The following LRP1B variants were observed in gnomAD, a reference collection of about 807,000 sequenced individuals.
LRP1B encodes LDL receptor related protein 1B, also known as low-density lipoprotein receptor-related protein 1B.
In LRP1B, 217 loss-of-function variants were observed where a neutral mutation model predicts 556.6. The observed-to-expected ratio is 0.39, with a 90% CI of 0.35 to 0.44. LRP1B has a LOEUF of 0.44. Ranked by LOEUF, LRP1B falls within the 20% of genes least tolerant of loss-of-function variation. The probability of loss-of-function intolerance (pLI) is 1.00; values close to 1 mark genes in which losing one functional copy is unlikely to be tolerated. For missense variants in LRP1B, 5,053 were observed against 5,620.8 expected (o/e 0.90, Z 3.23); for synonymous variants, 2,047 against 1,865.8 (o/e 1.10, Z -2.50).
intron 25 of LRP1B, among the ~76,000 whole-genome samples, chr2:140,876,589 G>A (rs1693312440): frequency 6.6e-6 from 1 of 152,098 alleles, no homozygotes; most frequent in South Asian, 2.1e-4. Flanking sequence ...CCTGTACAGG[G>A]TTCCTGACCT....
At chr2:140,604,109 A>G (rs1682777136) in intron 41 of LRP1B, among the ~76,000 whole-genome samples, 1 of 152,066 alleles carries the variant, frequency 6.6e-6, no homozygotes, top group African/African-American at 2.4e-5. Flanking sequence ...GACTTGAAAT[A>G]TTGAGCAGAG....
intron 77 of LRP1B, among the ~76,000 whole-genome samples, chr2:140,345,879 A>ATATATATATATATATATATATAT (rs1426120597): frequency 1.5e-5 from 2 of 137,430 alleles, no homozygotes; most frequent in Non-Finnish European, 3.2e-5. Flanking sequence ...TATATATATA[A>ATATATATATATATATATATATAT]AAAAAATAGC....
chr2:140,762,601 A>G (rs530191342), intron 35 of LRP1B, among the ~76,000 whole-genome samples: 44 of 151,970 alleles, frequency 2.9e-4, no homozygotes, highest in African/African-American at 1.0e-3. Flanking sequence ...TAAGGAATTC[A>G]TAGAACCAAT....
rs1401553844 is a variant in LRP1B, at chr2:141,013,637, T to C, written c.2299A>G (p.Ile767Val). Residue 767 changes from isoleucine (I) to valine (V), a missense_variant, in exon 14 of 91, where the codon ATA (isoleucine) becomes GTA (valine). By Grantham distance (29) the Ile-to-Val change is conservative (BLOSUM62 3). Transcript: ENST00000389484. ...CTCAGCAATGTCACCTCACTTGTTA[T>C]CAAATCTAGTTGAAAAATGGAACCA... ...MNGSIFQLDLITSEVTLLRHE... is the reference protein window; with the variant it reads ...MNGSIFQLDLVTSEVTLLRHE... 2 of 1,612,468 alleles carry C rather than the reference T, an allele frequency of 1.2e-6. No individual in the cohort carries two copies. The highest frequency in any genetic ancestry group is 1.3e-5 in the African/African-American group (1 of 74,836).
intron 83 of LRP1B, among the ~76,000 whole-genome samples, chr2:140,306,865 C>T (rs988182399): frequency 6.6e-6 from 1 of 152,020 alleles, no homozygotes; most frequent in Non-Finnish European, 1.5e-5. Context: ...TGTCTTTGTT[C>T]TCATTGGTTC....
chr2:140,672,181 A>T (rs912060307), intron 41 of LRP1B, among the ~76,000 whole-genome samples: 1 of 152,102 alleles, frequency 6.6e-6, no homozygotes, highest in Admixed American at 6.5e-5. Context: ...AAATGGAGAA[A>T]ATGGAAGGAT....
intron 85 of LRP1B, among the ~76,000 whole-genome samples, chr2:140,272,575 A>AT (rs1420170145): frequency 2.0e-5 from 3 of 152,004 alleles, no homozygotes; most frequent in African/African-American, 7.2e-5. Flanking sequence ...AATAACAAAT[A>AT]TACTTGATGG....
At chr2:141,270,492 G>A (rs1222490407) in intron 3 of LRP1B, among the ~76,000 whole-genome samples, 2 of 152,048 alleles carry the variant, frequency 1.3e-5, no homozygotes, top group South Asian at 2.1e-4. Context: ...CATGCCCATA[G>A]CAGTGTTATT....
Position 141,062,260 on chromosome 2 carries a change from T to C in LRP1B, c.1027A>G (p.Thr343Ala). 1 of 1,605,532 alleles carries C rather than the reference T, an allele frequency of 6.2e-7. No homozygotes were observed. The highest frequency in any genetic ancestry group is 1.7e-4 in the Middle Eastern group (1 of 5,998). Residue 343 changes from threonine (T) to alanine (A), a missense_variant, in exon 8 of 91, where the codon ACT (threonine) becomes GCT (alanine). By Grantham distance (58) the Thr-to-Ala change is moderately conservative (BLOSUM62 0). Transcript: ENST00000389484. ...VDPIAGKLFFTDYGNVAKVER... is the reference protein window; with the variant it reads ...VDPIAGKLFFADYGNVAKVER... ...ACTTTGGCGACATTCCCGTAGTCAGTAAAGAAAAGTTTTCTGTTGAAAGAA... is the reference window on the plus strand; with the variant it reads ...ACTTTGGCGACATTCCCGTAGTCAGCAAAGAAAAGTTTTCTGTTGAAAGAA...
chr2:140,350,662 CTATTT>C, intron 77 of LRP1B, 130 bp downstream of exon 77: 1 of 735,232 alleles, frequency 1.4e-6, no homozygotes, highest in Middle Eastern at 4.1e-4. Context: ...TGCATTATTT[CTATTT>C]AAGGAGAATA....
At chr2:141,917,374 A>G (rs1024633093) in intron 1 of LRP1B, among the ~76,000 whole-genome samples, 3 of 152,128 alleles carry the variant, frequency 2.0e-5, no homozygotes, top group Non-Finnish European at 4.4e-5. Flanking sequence ...AGATACTACA[A>G]GTATCCTTTG....
intron 1 of LRP1B, among the ~76,000 whole-genome samples, chr2:141,822,696 A>C (rs1696796612): frequency 6.6e-6 from 1 of 152,138 alleles, no homozygotes; most frequent in African/African-American, 2.4e-5. Context: ...TTTAATCTTA[A>C]AATATATTTT....
At chr2:140,578,888 G>A (rs1681644181) in intron 43 of LRP1B, among the ~76,000 whole-genome samples, 1 of 151,930 alleles carries the variant, frequency 6.6e-6, no homozygotes, top group Admixed American at 6.6e-5. Flanking sequence ...TATACCCTAA[G>A]GGCAAGGATT....
chr2:141,254,666 C>G (rs1176687393), intron 3 of LRP1B, 25 bp from the exon 4 acceptor site: 1 of 1,538,796 alleles, frequency 6.5e-7, no homozygotes, highest in Non-Finnish European at 8.9e-7. Flanking sequence ...CAAATATATT[C>G]TCTATATTTA....
intron 21 of LRP1B, among the ~76,000 whole-genome samples, chr2:140,917,091 T>C (rs1179857864): frequency 6.6e-6 from 1 of 152,156 alleles, no homozygotes; most frequent in African/African-American, 2.4e-5. Flanking sequence ...CATTTGAAAA[T>C]ATACTCAAAA....
chr2:141,356,176 C>T (rs1468262772), intron 3 of LRP1B, among the ~76,000 whole-genome samples: 6 of 152,174 alleles, frequency 3.9e-5, no homozygotes, highest in East Asian at 1.9e-4. Context: ...AAGAGAGATA[C>T]TTCTATTTTC....
rs1682889733 is a variant in LRP1B at position 140,280,966 on chromosome 2, G to A, written c.12968-6368C>T. On this transcript the variant is annotated intron_variant, in intron 84 of 90. Transcript: ENST00000389484. ...ACCTAGTAGCACCAAACACAATAAT[G>A]TAATCTAAAGGACAATGATGAATAT... Among the ~76,000 whole-genome samples the A allele has an allele frequency of 2.6e-5, 4 of 151,698 alleles. No homozygotes were observed. In the Admixed American group the frequency reaches 2.6e-4, roughly 10 times the overall value.
intron 1 of LRP1B, among the ~76,000 whole-genome samples, chr2:141,839,374 C>T (rs1338434871): frequency 3.9e-5 from 6 of 152,194 alleles, no homozygotes. Context: ...TGTATATACA[C>T]AAACATGCAC....
intron 2 of LRP1B, among the ~76,000 whole-genome samples, chr2:141,578,224 C>A (rs1574099089): frequency 6.6e-6 from 1 of 151,456 alleles, no homozygotes; most frequent in South Asian, 2.1e-4. Context: ...TGAAATCCTG[C>A]CTCTACTAAA....
Sources: gnomAD v4.1 joint callset for allele counts (sites outside exome capture counted in the v4.1 genomes callset) on GRCh38, gnomAD v4.1.1 for gene constraint, MANE v1.5 for transcripts, NCBI Gene and HGNC (gene_info 2026-07-23, HGNC 2026-07-21) for gene names.